Variants in FOXK2 observed in about 807,000 individuals in gnomAD.
FOXK2 encodes the protein forkhead box K2, also known as forkhead box protein K2.
FOXK2 carries 24 observed loss-of-function variants against 53.3 expected under a neutral mutation model. The observed-to-expected ratio is 0.45, with a 90% confidence interval of 0.33 to 0.63. FOXK2 has a LOEUF of 0.63. FOXK2 is among the 30% of genes least tolerant of loss of function. The probability of loss-of-function intolerance (pLI) is 0.03; values close to 1 mark genes in which losing one functional copy is unlikely to be tolerated. For synonymous variants in FOXK2, 505 were observed against 407.1 expected, an observed-to-expected ratio of 1.24 and a Z score of -2.89; for missense variants, 952 against 910.5, an observed-to-expected ratio of 1.05 and a Z score of -0.59.
intron 8 of FOXK2, among the ~76,000 whole-genome samples, chr17:82,594,209 T>C (rs1171561134): frequency 6.6e-6 from 1 of 152,090 alleles, no homozygotes; most frequent in Non-Finnish European, 1.5e-5. Context: ...TAAGAAATGC[T>C]CTAGACAGGC....
chr17:82,565,994 C>T (rs2044847464), intron 2 of FOXK2, among the ~76,000 whole-genome samples: 2 of 152,036 alleles, frequency 1.3e-5, no homozygotes, highest in Admixed American at 1.3e-4. Flanking sequence ...GTGAAATAAG[C>T]CAGTCATTGA....
rs754221934 is a variant in FOXK2 at position 82,568,034 on chromosome 17, C to T, written c.615-20C>T. 1.4e-5 allele frequency: 22 copies of T among 1,574,382 alleles called. No homozygotes were observed. The South Asian group carries it at 2.1e-4, about 15-fold the overall frequency. On this transcript the variant is annotated intron_variant, in intron 2 of 8. Transcript: ENST00000335255. Reference sequence around the variant, plus strand: ...GTGCACTGTGATAGACTAATAGGAACAACTTTTTCTCTTCCACAGCGCTGC... The same window carrying T: ...GTGCACTGTGATAGACTAATAGGAATAACTTTTTCTCTTCCACAGCGCTGC...
intron 8 of FOXK2, chr17:82,600,396 A>AGTCCAGAGGCC (rs1305423231): frequency 6.6e-6 from 1 of 152,258 alleles, no homozygotes; most frequent in African/African-American, 2.4e-5. Flanking sequence ...GATTCTCAAG[A>AGTCCAGAGGCC]GTCCAGAGGC....
At chr17:82,573,562 T>TCTCTCACACACA (rs1185597025) in intron 4 of FOXK2, among the ~76,000 whole-genome samples, 22 of 83,364 alleles carry the variant, frequency 2.6e-4, no homozygotes, top group East Asian at 4.0e-4. Flanking sequence ...TCTCTCTCTC[T>TCTCTCACACACA]CACACACACA....
intron 4 of FOXK2, among the ~76,000 whole-genome samples, chr17:82,574,896 T>C (rs1169084768): frequency 1.3e-5 from 2 of 152,252 alleles, no homozygotes; most frequent in African/African-American, 2.4e-5. Context: ...TGTCTTTCTT[T>C]TGTTTGCATT....
chr17:82,562,479 C>T (rs1296329658), intron 1 of FOXK2, among the ~76,000 whole-genome samples: 1 of 151,932 alleles, frequency 6.6e-6, no homozygotes, highest in Admixed American at 6.6e-5. Flanking sequence ...ACTCAGGAGG[C>T]TGAGGCAGGA....
chr17:82,565,246 A>G (rs2044840960), intron 2 of FOXK2, among the ~76,000 whole-genome samples: 1 of 152,236 alleles, frequency 6.6e-6, no homozygotes, highest in Non-Finnish European at 1.5e-5. Flanking sequence ...GGCAAAACCT[A>G]TGACATTGGA....
chr17:82,521,074 T>A (rs930239019), intron 1 of FOXK2, among the ~76,000 whole-genome samples: 1 of 152,196 alleles, frequency 6.6e-6, no homozygotes, highest in Non-Finnish European at 1.5e-5. Flanking sequence ...TTACTCTGCT[T>A]GAAACACAAA....
intron 1 of FOXK2, among the ~76,000 whole-genome samples, chr17:82,520,833 G>A (rs1331011162): frequency 6.6e-6 from 1 of 152,192 alleles, no homozygotes; most frequent in Non-Finnish European, 1.5e-5. Flanking sequence ...TCCCTGCCGT[G>A]TTTTCAGTAG....
At chr17:82,589,800 C>CT (rs1239809091) in intron 8 of FOXK2, among the ~76,000 whole-genome samples, 1 of 152,288 alleles carries the variant, frequency 6.6e-6, no homozygotes, top group East Asian at 1.9e-4. Context: ...AATCCCAGCA[C>CT]TTTGGGAGGT....
chr17:82,544,697 T>C lies in FOXK2; in HGVS notation c.420-18657T>C, dbSNP rs541442268. 2.6e-5 allele frequency among the ~76,000 whole-genome samples: 4 copies of C among 152,260 alleles called. No homozygotes were observed. In the South Asian group the frequency reaches 8.3e-4, roughly 32 times the overall value. The stretch of plus-strand genomic sequence containing the variant: ...CAGATTTTTTGGAGCTTTTTTGCTT[T>C]CTGGAATTGTGGAAAAGGGATTGTG... On this transcript the variant is annotated intron_variant, in intron 1 of 8. Coordinates refer to ENST00000335255, the MANE Select transcript of FOXK2 (RefSeq NM_004514.4).
intron 1 of FOXK2, among the ~76,000 whole-genome samples, chr17:82,539,328 G>T (rs1046863504): frequency 1.4e-5 from 1 of 73,574 alleles, no homozygotes; most frequent in Non-Finnish European, 3.1e-5. Flanking sequence ...GTGGCCGGGC[G>T]TGGTGGCTCA....
At chr17:82,551,777 A>C (rs2044679297) in intron 1 of FOXK2, among the ~76,000 whole-genome samples, 1 of 152,206 alleles carries the variant, frequency 6.6e-6, no homozygotes, top group Admixed American at 6.5e-5. Context: ...TAGGGTTTCT[A>C]ATGTATTTCT....
At chr17:82,542,980 G>A (rs1224110682) in intron 1 of FOXK2, among the ~76,000 whole-genome samples, 2 of 152,134 alleles carry the variant, frequency 1.3e-5, no homozygotes, top group Non-Finnish European at 2.9e-5. Context: ...ATTGCAGAGT[G>A]AAACCCTGTA....
chr17:82,577,162 CA>C, intron 4 of FOXK2: 5 of 888,860 alleles, frequency 5.6e-6, no homozygotes, highest in South Asian at 1.4e-5. Context: ...AACTCCGTCT[CA>C]AAAAAAGAAA....
At position 82,570,728 on chromosome 17, in the gene FOXK2, C is replaced by T. The variant is rs2044908369; in HGVS notation, c.763-996C>T. Among the ~76,000 whole-genome samples the T allele has an allele frequency of 1.3e-5, 2 of 152,344 alleles. 1 individual carries two copies. The highest frequency in any genetic ancestry group is 4.8e-5 in the African/African-American group (2 of 41,590). On this transcript the variant is annotated intron_variant, in intron 3 of 8. Coordinates refer to ENST00000335255, the MANE Select transcript of FOXK2 (RefSeq NM_004514.4). ...TTTTTTCATCCGACATTATCTGTTG[C>T]TCTTCATCCATGTTGACAAGCGTGT...
At chr17:82,591,952 G>A (rs2045257077) in intron 8 of FOXK2, among the ~76,000 whole-genome samples, 1 of 151,774 alleles carries the variant, frequency 6.6e-6, no homozygotes, top group South Asian at 2.1e-4. Flanking sequence ...CACCCAGGCT[G>A]GAGTGCAGTG....
chr17:82,529,450 C>T (rs151122552), intron 1 of FOXK2, among the ~76,000 whole-genome samples: 123 of 150,074 alleles, frequency 8.2e-4, no homozygotes, highest in African/African-American at 2.9e-3. Flanking sequence ...AATGCAGTGG[C>T]ACGATCTTGG....
At chr17:82,557,403 G>A (rs190376353) in intron 1 of FOXK2, among the ~76,000 whole-genome samples, 75 of 150,450 alleles carry the variant, frequency 5.0e-4, no homozygotes, top group African/African-American at 1.7e-3. Flanking sequence ...GAGTGCAGTG[G>A]CACAATCTCA....
Sources: gnomAD v4.1 joint callset for allele counts (sites outside exome capture counted in the v4.1 genomes callset) on GRCh38, gnomAD v4.1.1 for gene constraint, MANE v1.5 for transcripts, NCBI Gene and HGNC (gene_info 2026-07-23, HGNC 2026-07-21) for gene names.